The following ERC1 variants were observed in gnomAD, a reference collection of about 807,000 sequenced individuals.
ERC1 encodes the protein RAB6 interacting protein 2.
Under a neutral mutation model 132.0 loss-of-function variants are expected in ERC1, and 56 were observed. The observed-to-expected ratio is 0.42, with a 90% CI of 0.34 to 0.53. The LOEUF (loss-of-function observed/expected upper bound fraction) is 0.53. Among genes scored for constraint, ERC1 ranks in the 20% least tolerant of loss-of-function variants. ERC1 has a pLI of 0.03. For synonymous variants in ERC1, 478 were observed against 476.1 expected (o/e 1.00, Z -0.05); for missense variants, 1,202 against 1,349.9 (o/e 0.89, Z 1.72).
chr12:1,176,973 A>C (rs1953797946), intron 8 of ERC1, among the ~76,000 whole-genome samples: 1 of 152,240 alleles, frequency 6.6e-6, no homozygotes, highest in African/African-American at 2.4e-5. Flanking sequence ...AACATGCTGC[A>C]GCTTCTCCGT....
At position 1,396,179 on chromosome 12, in the gene ERC1, A is replaced by T. The variant is rs116767417; in HGVS notation, c.2926-11970A>T. Among the ~76,000 whole-genome samples, 465 of 152,366 alleles carry T rather than the reference A, an allele frequency of 3.1e-3. 1 individual carries two copies. Among genetic ancestry groups the T allele is most frequent in the African/African-American group, 8.8e-3 (364 of 41,586 alleles). On this transcript the variant is annotated intron_variant, in intron 16 of 18. Transcript: ENST00000360905. ...TCTATTTTCTTTGCTTTTGACTGAGATAACTCACTGTGGTAACACTGGGTT... is the reference window on the plus strand; with the variant it reads ...TCTATTTTCTTTGCTTTTGACTGAGTTAACTCACTGTGGTAACACTGGGTT...
At chr12:1,119,266 T>G (rs5795958) in intron 7 of ERC1, among the ~76,000 whole-genome samples, 1,471 of 122,738 alleles carry the variant, frequency 0.012, 24 homozygotes, top group African/African-American at 0.041. Flanking sequence ...TTGTTTTTTT[T>G]GTTTTTTTTT....
At chr12:1,324,536 C>T (rs1258797515) in intron 15 of ERC1, among the ~76,000 whole-genome samples, 1 of 152,168 alleles carries the variant, frequency 6.6e-6, no homozygotes, top group Non-Finnish European at 1.5e-5. Flanking sequence ...CAGAGACGGT[C>T]ACTGGGGTAA....
chr12:1,098,695 C>G (rs1391249236), intron 3 of ERC1, among the ~76,000 whole-genome samples: 1 of 152,128 alleles, frequency 6.6e-6, no homozygotes. Context: ...TGTGAGTTGC[C>G]TGTTAGACAT....
chr12:1,490,125 C>T lies in ERC1; in HGVS notation c.3246C>T (p.Asp1082=). The T allele has an allele frequency of 6.2e-7, 1 of 1,614,138 alleles. No homozygotes were observed. The highest frequency in any genetic ancestry group is 2.2e-5 in the East Asian group (1 of 44,886). ...LQDELEKGER[D]NAELQEFANA... is the part of the protein sequence containing the mutation. ...ATGAGTTAGAGAAAGGTGAACGGGA[C>T]AATGCAGAACTGCAGGAGTTTGCCA... Residue 1082 remains aspartate (D), a synonymous_variant, in exon 19 of 19, where the codon GAC becomes GAT. Coordinates refer to ENST00000360905, the MANE Select transcript of ERC1 (RefSeq NM_178040.4).
At chr12:1,263,602 G>A (rs933762296) in intron 14 of ERC1, among the ~76,000 whole-genome samples, 1 of 152,178 alleles carries the variant, frequency 6.6e-6, no homozygotes, top group South Asian at 2.1e-4. Context: ...AGATGAAATG[G>A]AGCTTGTCTG....
At chr12:1,303,964 A>AAGAAAG (rs1555352922) in intron 15 of ERC1, among the ~76,000 whole-genome samples, 1 of 148,212 alleles carries the variant, frequency 6.7e-6, no homozygotes, top group African/African-American at 2.5e-5. Flanking sequence ...AGAAAAAAAA[A>AAGAAAG]AAAAAAGAAT....
At chr12:995,975 AAG>A (rs981539701) in intron 1 of ERC1, among the ~76,000 whole-genome samples, 4 of 152,200 alleles carry the variant, frequency 2.6e-5, no homozygotes, top group East Asian at 1.9e-4. Flanking sequence ...AATGTTGAGT[AAG>A]AGAGAATTCT....
At chr12:1,092,790 G>C (rs1291961187) in intron 3 of ERC1, among the ~76,000 whole-genome samples, 2 of 152,126 alleles carry the variant, frequency 1.3e-5, no homozygotes, top group African/African-American at 2.4e-5. Flanking sequence ...GCAAAACCCT[G>C]TCTCTACTAA....
intron 7 of ERC1, among the ~76,000 whole-genome samples, chr12:1,121,059 T>C (rs1005032457): frequency 3.9e-5 from 6 of 152,240 alleles, no homozygotes; most frequent in Non-Finnish European, 8.8e-5. Context: ...ATATCTAACC[T>C]GAGTCTTGTA....
chr12:1,236,620 G>A lies in ERC1; in HGVS notation c.2352-149G>A, dbSNP rs1198928716. The A allele has an allele frequency of 1.9e-5, 13 of 695,482 alleles. No individual in the cohort carries two copies. The South Asian group carries it at 3.0e-4, about 16-fold the overall frequency. 43.1% of individuals were successfully genotyped at this position (695,482 alleles called of 1,614,324 possible). On this transcript the variant is annotated intron_variant, in intron 12 of 18. Coordinates refer to ENST00000360905, the MANE Select transcript of ERC1 (RefSeq NM_178040.4). ...CGAATGTGCTACCATTGAGAGGAAC[G>A]AATTTGGAATTGTTGAAAAATTTCG... is the stretch of plus-strand genomic sequence containing the variant.
chr12:1,487,876 G>T (rs1009264684), intron 18 of ERC1, among the ~76,000 whole-genome samples: 11 of 151,756 alleles, frequency 7.2e-5, no homozygotes, highest in African/African-American at 2.4e-4. Flanking sequence ...CGGTGACTCA[G>T]GCCTGTAATC....
In ERC1 at chr12:1,045,275, G is replaced by A. The variant is rs541237043; in HGVS notation, c.669+16703G>A. 1.2e-3 allele frequency among the ~76,000 whole-genome samples: 189 copies of A among 152,152 alleles called. 2 individuals are homozygous for A. Among genetic ancestry groups the A allele is most frequent in the African/African-American group, 4.3e-3 (177 of 41,540 alleles). On this transcript the variant is annotated intron_variant, in intron 2 of 18. Coordinates refer to ENST00000360905, the MANE Select transcript of ERC1 (RefSeq NM_178040.4). Reference sequence around the variant, plus strand: ...TTACTCCACTGACATTAAAATTGTAGCATTACATCTGAGGTTCCCTTTGGT... The same window carrying A: ...TTACTCCACTGACATTAAAATTGTAACATTACATCTGAGGTTCCCTTTGGT...
At chr12:1,448,101 G>T (rs1325090106) in intron 18 of ERC1, among the ~76,000 whole-genome samples, 1 of 152,182 alleles carries the variant, frequency 6.6e-6, no homozygotes, top group Non-Finnish European at 1.5e-5. Context: ...AGCAAGTTTT[G>T]AGTGAATGAA....
intron 11 of ERC1, among the ~76,000 whole-genome samples, chr12:1,186,312 A>G (rs1955089827): frequency 6.6e-6 from 1 of 152,198 alleles, no homozygotes; most frequent in South Asian, 2.1e-4. Flanking sequence ...TGGGAATATG[A>G]TTATCTGCAT....
At chr12:1,125,767 A>G (rs1593503633) in intron 7 of ERC1, among the ~76,000 whole-genome samples, 3 of 152,366 alleles carry the variant, frequency 2.0e-5, no homozygotes, top group Middle Eastern at 3.4e-3. Flanking sequence ...GTGAGCTGAG[A>G]TCGCACCACT....
At chr12:1,363,799 AC>A (rs1211203383) in intron 15 of ERC1, among the ~76,000 whole-genome samples, 2 of 151,368 alleles carry the variant, frequency 1.3e-5, no homozygotes, top group African/African-American at 2.4e-5. Context: ...CAAGTGATCC[AC>A]CCGCCTCAGC....
intron 17 of ERC1, among the ~76,000 whole-genome samples, chr12:1,408,799 C>T (rs1452129130): frequency 6.6e-6 from 1 of 152,166 alleles, no homozygotes; most frequent in African/African-American, 2.4e-5. Flanking sequence ...CTCATCAATG[C>T]AAAAGAGATA....
chr12:1,057,391 G>A (rs1006241104), intron 2 of ERC1, among the ~76,000 whole-genome samples: 4 of 152,044 alleles, frequency 2.6e-5, no homozygotes, highest in Non-Finnish European at 5.9e-5. Context: ...CCTGGAAAGC[G>A]CTGGGCTTAC....
Sources: allele counts gnomAD v4.1 joint callset (sites outside exome capture counted in the v4.1 genomes callset), GRCh38; gene constraint gnomAD v4.1.1; transcripts MANE v1.5; gene names NCBI Gene and HGNC (gene_info 2026-07-23, HGNC 2026-07-21).